TXNRD2: variants seen among roughly 807,000 people sequenced by gnomAD.
TXNRD2 encodes the protein thioredoxin reductase 2, mitochondrial.
In TXNRD2, 67 loss-of-function variants were observed where a neutral mutation model predicts 70.8. The ratio of observed to expected loss-of-function variants is 0.95; its 90% CI spans 0.78 to 1.16. The LOEUF is 1.16. TXNRD2 is among the 50% of genes most tolerant of loss of function. The pLI is 0.00. For missense variants in TXNRD2, 644 were observed against 719.9 expected (o/e 0.89, Z 1.21); for synonymous variants, 301 against 295.8 (o/e 1.02, Z -0.18).
chr22:19,880,230 C>T lies in TXNRD2; in HGVS notation c.1224G>A (p.Val408=). Residue 408 remains valine, a synonymous_variant, in exon 14 of 18, where the codon GTG becomes GTA. Transcript: ENST00000400521. ...CCACTGCCTCCTCCTCGGACAGCCCCACACAGCCATACTCCAGCGGGGTGA... is the reference window on the plus strand; with the variant it reads ...CCACTGCCTCCTCCTCGGACAGCCCTACACAGCCATACTCCAGCGGGGTGA... The part of the protein sequence containing the change: ...TVFTPLEYGC[V]GLSEEEAVAR... The T allele has an allele frequency of 1.2e-6, 2 of 1,613,816 alleles. No homozygotes were observed. The highest frequency in any genetic ancestry group is 1.7e-6 in the Non-Finnish European group (2 of 1,180,014).
At chr22:19,881,238 T>C (rs1035566445) in intron 12 of TXNRD2, 141 of 399,086 alleles carry the variant, frequency 3.5e-4, no homozygotes, top group Non-Finnish European at 6.6e-5. Context: ...TGCCCAGCCT[T>C]GGGGGTTCCA....
In TXNRD2 at chr22:19,936,011, T is replaced by C. The variant is rs72547414; in HGVS notation, c.104-4913A>G. Among the ~76,000 whole-genome samples, 293 of 152,286 alleles carry C rather than the reference T, an allele frequency of 1.9e-3. 1 individual carries two copies. The highest frequency in any genetic ancestry group is 6.7e-3 in the African/African-American group (280 of 41,556). Reference sequence around the variant, plus strand: ...TAAAATGGGGGAGTTCGGGTTCCCATGGAAAATATGGTCACCCTATTCAGG... The same window carrying C: ...TAAAATGGGGGAGTTCGGGTTCCCACGGAAAATATGGTCACCCTATTCAGG... On this transcript the variant is annotated intron_variant, in intron 1 of 17. Transcript: ENST00000400521.
chr22:19,933,398 C>T (rs1941435883), intron 1 of TXNRD2: 1 of 1,270,476 alleles, frequency 7.9e-7, no homozygotes, highest in South Asian at 1.2e-5. Context: ...CCTCCAGCTG[C>T]CTGGTAGCCG....
At chr22:19,909,489 GACACACCACTCACACACAC>G (rs1325108106) in intron 8 of TXNRD2, among the ~76,000 whole-genome samples, 5 of 149,552 alleles carry the variant, frequency 3.3e-5, no homozygotes, top group Admixed American at 6.8e-5. Context: ...CAGAGCATGT[GACACACCACTCACACACAC>G]ACACACCACT....
chr22:19,925,985 G>A (rs1416056386), intron 2 of TXNRD2, among the ~76,000 whole-genome samples: 1 of 151,742 alleles, frequency 6.6e-6, no homozygotes, highest in Non-Finnish European at 1.5e-5. Flanking sequence ...TCAACATGGA[G>A]AAACCCTTTC....
intron 1 of TXNRD2, among the ~76,000 whole-genome samples, chr22:19,940,008 C>T (rs1941647464): frequency 6.6e-6 from 1 of 152,000 alleles, no homozygotes; most frequent in South Asian, 2.1e-4. Context: ...CTTTGGGAGG[C>T]CAAGGCAGGT....
At chr22:19,883,286 G>A (rs1473289545) in intron 12 of TXNRD2, 39 bp downstream of exon 12, 2 of 1,606,424 alleles carry the variant, frequency 1.2e-6, no homozygotes, top group Admixed American at 3.3e-5. Context: ...GGTGGAGCAG[G>A]CAGGGGCAGG....
intron 1 of TXNRD2, among the ~76,000 whole-genome samples, chr22:19,931,661 G>A (rs781619571): frequency 3.9e-5 from 6 of 152,014 alleles, no homozygotes; most frequent in South Asian, 2.1e-4. Flanking sequence ...CGATCACCAC[G>A]TCCAGCTAAA....
chr22:19,901,098 C>T (rs1201911904), intron 8 of TXNRD2, among the ~76,000 whole-genome samples: 2 of 152,372 alleles, frequency 1.3e-5, no homozygotes, highest in South Asian at 2.1e-4. Flanking sequence ...GCTAGGGATA[C>T]AGCAACACAC....
At position 19,880,691 on chromosome 22, in the gene TXNRD2, C is replaced by A; in HGVS notation, c.1113G>T (p.Ala371=). 1 of 1,613,220 alleles carries A rather than the reference C, an allele frequency of 6.2e-7. No individual in the cohort carries two copies. Among genetic ancestry groups the A allele is most frequent in the East Asian group, 2.2e-5 (1 of 44,884 alleles). ...VEGRPELTPI[A]IMAGRLLVQR... Reference sequence around the variant, plus strand: ...GCACCAGGAGCCTCCCGGCCATGATCGCTATGGGTGTCAGCTCAGGCCGCC... The same window carrying A: ...GCACCAGGAGCCTCCCGGCCATGATAGCTATGGGTGTCAGCTCAGGCCGCC... The change falls in exon 13 of 18, where the codon GCG becomes GCT. Residue 371 remains alanine, a synonymous_variant. Coordinates refer to ENST00000400521, the MANE Select transcript of TXNRD2 (RefSeq NM_006440.5).
At chr22:19,927,703 AG>A (rs1402179223) in intron 2 of TXNRD2, among the ~76,000 whole-genome samples, 2 of 151,674 alleles carry the variant, frequency 1.3e-5, no homozygotes, top group African/African-American at 4.8e-5. Flanking sequence ...AGAAAGAAAA[AG>A]AAAAAAACAG....
intron 8 of TXNRD2, among the ~76,000 whole-genome samples, chr22:19,902,587 T>C (rs140938111): frequency 4.8e-4 from 73 of 152,302 alleles, no homozygotes; most frequent in African/African-American, 1.7e-3. Context: ...GAAGGCCTCC[T>C]TCCCCGGCTT....
intron 8 of TXNRD2, among the ~76,000 whole-genome samples, chr22:19,901,974 A>G (rs972047697): frequency 6.6e-6 from 1 of 152,224 alleles, no homozygotes; most frequent in Non-Finnish European, 1.5e-5. Flanking sequence ...CAAGGTGGAC[A>G]GACTGCTTGA....
At chr22:19,910,433 T>C (rs1407742938) in intron 8 of TXNRD2, among the ~76,000 whole-genome samples, 1 of 152,180 alleles carries the variant, frequency 6.6e-6, no homozygotes, top group Non-Finnish European at 1.5e-5. Context: ...ATGTTCTCCC[T>C]GATGTCCTTG....
Position 19,905,780 on chromosome 22 carries a change from G to A in TXNRD2, c.662+5597C>T, listed in dbSNP as rs116551038. 9.6e-3 allele frequency among the ~76,000 whole-genome samples: 1,463 copies of A among 152,146 alleles called. 25 individuals are homozygous for A. The highest frequency in any genetic ancestry group is 0.034 in the African/African-American group (1,399 of 41,468). On this transcript the variant is annotated intron_variant, in intron 8 of 17. Transcript: ENST00000400521. ...GCACAGGCAGAACTCAGGACGCCGA[G>A]TGAGAACAGTGCCTCGAGATGGGCA...
intron 10 of TXNRD2, among the ~76,000 whole-genome samples, chr22:19,897,448 TA>T (rs1464104554): frequency 2.6e-5 from 4 of 152,188 alleles, no homozygotes; most frequent in African/African-American, 9.6e-5. Flanking sequence ...AGTTTTTAGC[TA>T]AAAAAAGAAA....
At position 19,941,782 on chromosome 22, in the gene TXNRD2, G is replaced by A. The variant is rs747273077; in HGVS notation, c.22C>T (p.Leu8=). The A allele has an allele frequency of 2.0e-6, 3 of 1,528,732 alleles. No homozygotes were observed. The highest frequency in any genetic ancestry group is 2.3e-4 in the Middle Eastern group (1 of 4,412). The allele number at this position is 1,528,732 out of a possible 1,614,324, so 94.7% of individuals were successfully genotyped here. A position where few individuals can be genotyped will look rare whatever the true frequency, so the allele number is the denominator to read the frequency against. MAAMAVA[L]RGLGGRFRWR... is the part of the protein sequence containing the mutation. ...CGGAAGCGCCCTCCTAATCCCCGCAGCGCCACCGCCATTGCCGCCATCGTC... is the reference window on the plus strand; with the variant it reads ...CGGAAGCGCCCTCCTAATCCCCGCAACGCCACCGCCATTGCCGCCATCGTC... Residue 8 remains leucine, a synonymous_variant, in exon 1 of 18, where the codon CTG becomes TTG. Coordinates refer to ENST00000400521, the MANE Select transcript of TXNRD2 (RefSeq NM_006440.5).
chr22:19,917,771 G>C (rs917778388), intron 5 of TXNRD2, among the ~76,000 whole-genome samples: 3 of 152,154 alleles, frequency 2.0e-5, no homozygotes, highest in African/African-American at 4.8e-5. Flanking sequence ...TCACGGGGTG[G>C]GGGCTTGCCA....
At chr22:19,921,321 G>A (rs111857251) in intron 2 of TXNRD2, among the ~76,000 whole-genome samples, 3 of 151,630 alleles carry the variant, frequency 2.0e-5, no homozygotes, top group Admixed American at 2.0e-4. Flanking sequence ...AGGCTAAGGT[G>A]GGGGGATGGC....
Sources: gnomAD v4.1 joint callset for allele counts (sites outside exome capture counted in the v4.1 genomes callset) on GRCh38, gnomAD v4.1.1 for gene constraint, MANE v1.5 for transcripts, NCBI Gene and HGNC (gene_info 2026-07-23, HGNC 2026-07-21) for gene names.